EXOC6: variants seen among roughly 807,000 people sequenced by gnomAD.
The protein encoded by EXOC6 is SEC15-like 1.
A neutral mutation model predicts 112.5 loss-of-function variants in EXOC6; 60 were observed. The ratio of observed to expected loss-of-function variants is 0.53; its 90% confidence interval spans 0.43 to 0.66. The LOEUF (loss-of-function observed/expected upper bound fraction) is 0.66, where lower values mean the gene tolerates loss of function less well. Among genes scored for constraint, EXOC6 ranks in the 30% least tolerant of loss-of-function variants. The probability of loss-of-function intolerance (pLI) is 0.00; values close to 1 mark genes in which losing one functional copy is unlikely to be tolerated. For missense variants in EXOC6, 855 were observed against 957.1 expected (o/e 0.89, Z 1.41); for synonymous variants, 295 against 308.0 (o/e 0.96, Z 0.44).
At chr10:92,944,336 A>C (rs1431418382) in intron 13 of EXOC6, among the ~76,000 whole-genome samples, 1 of 152,048 alleles carries the variant, frequency 6.6e-6, no homozygotes, top group East Asian at 1.9e-4. Context: ...TCCCAAGTTC[A>C]AGTGAGTCTC....
At chr10:92,871,747 G>A (rs1848458472) in intron 1 of EXOC6, among the ~76,000 whole-genome samples, 1 of 152,080 alleles carries the variant, frequency 6.6e-6, no homozygotes, top group Non-Finnish European at 1.5e-5. Flanking sequence ...GTCAGAGGTT[G>A]CAGTGAGCTG....
intron 4 of EXOC6, among the ~76,000 whole-genome samples, chr10:92,897,550 T>A (rs1477880679): frequency 1.3e-5 from 2 of 152,184 alleles, no homozygotes; most frequent in Non-Finnish European, 2.9e-5. Flanking sequence ...CTGAATAAGA[T>A]AGGTACAAAG....
chr10:93,015,732 CAA>C (rs200111896), intron 20 of EXOC6, among the ~76,000 whole-genome samples: 3 of 103,946 alleles, frequency 2.9e-5, no homozygotes, highest in Non-Finnish European at 2.0e-5. Context: ...GACTCCGTCT[CAA>C]AAAAAAAAAA....
intron 1 of EXOC6, among the ~76,000 whole-genome samples, chr10:92,851,052 A>G (rs1467059231): frequency 1.3e-5 from 2 of 152,240 alleles, no homozygotes; most frequent in South Asian, 2.1e-4. Context: ...ATTAGAAAGT[A>G]TTTTAAACTG....
intron 20 of EXOC6, among the ~76,000 whole-genome samples, chr10:93,042,455 C>T (rs974520062): frequency 1.3e-5 from 2 of 152,176 alleles, no homozygotes; most frequent in Non-Finnish European, 2.9e-5. Context: ...GGGCCATTAC[C>T]GTCTTTTCAT....
At position 92,990,000 on chromosome 10, in the gene EXOC6, A is replaced by G. The variant is rs114442152; in HGVS notation, c.1954-7474A>G. ...GTTATGAGTTAATTCCAGGTATACA[A>G]AAATCAACATGAACAAACCATTGAC... On this transcript the variant is annotated intron_variant, in intron 18 of 21. Coordinates refer to ENST00000260762, the MANE Select transcript of EXOC6 (RefSeq NM_019053.6). Among the ~76,000 whole-genome samples the G allele has an allele frequency of 6.9e-3, 1,045 of 152,314 alleles. 22 individuals are homozygous for G. Among genetic ancestry groups the G allele is most frequent in the African/African-American group, 0.024 (992 of 41,566 alleles).
intron 6 of EXOC6, among the ~76,000 whole-genome samples, chr10:92,910,343 A>T (rs1379899891): frequency 1.3e-5 from 2 of 152,204 alleles, no homozygotes; most frequent in Non-Finnish European, 2.9e-5. Flanking sequence ...AATCTCACAG[A>T]TGTGTTGAGC....
At chr10:92,981,701 C>A (rs1842831660) in intron 18 of EXOC6, among the ~76,000 whole-genome samples, 1 of 152,124 alleles carries the variant, frequency 6.6e-6, no homozygotes, top group Admixed American at 6.6e-5. Flanking sequence ...AAATCTGGTT[C>A]TAATTTGAAT....
intron 19 of EXOC6, 104 bp from the exon 20 acceptor site, chr10:93,014,090 A>T (rs981705552): frequency 6.0e-6 from 5 of 831,942 alleles, no homozygotes; most frequent in Admixed American, 2.7e-5. Context: ...GATTATGTGT[A>T]AATATTATAA....
Position 93,058,230 on chromosome 10 carries a change from G to C in EXOC6, c.2290G>C (p.Asp764His). The C allele has an allele frequency of 6.2e-7, 1 of 1,603,242 alleles. No homozygotes were observed. Among genetic ancestry groups the C allele is most frequent in the South Asian group, 1.1e-5 (1 of 88,006 alleles). ...ATTCACATATGTTTCTAGGATGAAG[G>C]ATACTAGCAAAAAGAACAATATATT... ...TALTLLEKMK[D>H]TSKKNNIFAQ... Residue 764 changes from aspartate (D) to histidine (H), a missense_variant, in exon 22 of 22, where the codon GAT becomes CAT. Coordinates refer to ENST00000260762, the MANE Select transcript of EXOC6 (RefSeq NM_019053.6).
At chr10:92,944,125 C>CT (rs560192433) in intron 13 of EXOC6, among the ~76,000 whole-genome samples, 7 of 151,866 alleles carry the variant, frequency 4.6e-5, no homozygotes, top group South Asian at 2.1e-4. Flanking sequence ...TGTATATGCA[C>CT]TTTTTTTTAA....
chr10:92,942,333 T>A (rs1349370898), intron 13 of EXOC6, among the ~76,000 whole-genome samples: 1 of 152,210 alleles, frequency 6.6e-6, no homozygotes, highest in Non-Finnish European at 1.5e-5. Context: ...TGTTTGAGGC[T>A]GCAGTGAGCT....
chr10:92,892,840 A>G (rs914653519), intron 1 of EXOC6, among the ~76,000 whole-genome samples: 1 of 152,194 alleles, frequency 6.6e-6, no homozygotes, highest in East Asian at 1.9e-4. Flanking sequence ...TATCCCAGCT[A>G]TCACTTGTGC....
intron 1 of EXOC6, among the ~76,000 whole-genome samples, chr10:92,827,465 C>T (rs769049372): frequency 2.2e-5 from 2 of 90,856 alleles, no homozygotes; most frequent in Non-Finnish European, 4.3e-5. Context: ...CAGAGTGAGG[C>T]CCTGTTGCCA....
In EXOC6 at chr10:93,013,822, G is replaced by A. The variant is rs907359283; in HGVS notation, c.2096-372G>A. 2.6e-5 allele frequency among the ~76,000 whole-genome samples: 4 copies of A among 152,232 alleles called. 1 individual carries two copies. The highest frequency in any genetic ancestry group is 1.3e-4 in the Admixed American group (2 of 15,292). On this transcript the variant is annotated intron_variant, in intron 19 of 21. Coordinates refer to ENST00000260762, the MANE Select transcript of EXOC6 (RefSeq NM_019053.6). ...GCAAATGTTTCAAAATATGTTGACA[G>A]CCATGGAATTGGTATCATTTTTAAA...
intron 1 of EXOC6, among the ~76,000 whole-genome samples, chr10:92,883,015 A>G (rs1439191368): frequency 6.6e-6 from 1 of 152,228 alleles, no homozygotes; most frequent in Non-Finnish European, 1.5e-5. Flanking sequence ...TGGGCAATGT[A>G]GGGCAACGTT....
upstream of EXOC6, among the ~76,000 whole-genome samples, chr10:92,830,970 A>G (rs1250030279): frequency 1.3e-5 from 2 of 152,198 alleles, no homozygotes; most frequent in Non-Finnish European, 2.9e-5. Flanking sequence ...TGTTAGCACT[A>G]TGAGACAGGG....
intron 8 of EXOC6, among the ~76,000 whole-genome samples, chr10:92,925,758 C>T (rs1159904685): frequency 6.6e-6 from 1 of 152,064 alleles, no homozygotes; most frequent in East Asian, 1.9e-4. Flanking sequence ...TTCCTGGGTT[C>T]AAGTGATCCT....
intron 15 of EXOC6, 141 bp downstream of exon 15, chr10:92,952,523 A>C (rs1335752846): frequency 1.6e-6 from 1 of 644,376 alleles, no homozygotes; most frequent in Non-Finnish European, 2.8e-6. Context: ...CATATTGTGT[A>C]ATGCTGAGAT....
Sources: allele counts gnomAD v4.1 joint callset (sites outside exome capture counted in the v4.1 genomes callset), GRCh38; gene constraint gnomAD v4.1.1; transcripts MANE v1.5; gene names NCBI Gene and HGNC (gene_info 2026-07-23, HGNC 2026-07-21).